IHO1: variants seen among roughly 807,000 people sequenced by gnomAD.
The protein encoded by IHO1 is interactor of HORMAD1 1.
IHO1 carries 13 observed loss-of-function variants against 31.0 expected under a neutral mutation model. The observed-to-expected ratio is 0.42, with a 90% CI of 0.27 to 0.67. IHO1 has a LOEUF of 0.67. IHO1 is among the 30% of genes least tolerant of loss of function. The pLI, the probability that IHO1 is intolerant of heterozygous loss-of-function variation, is 0.24. For synonymous variants in IHO1, 221 were observed against 248.4 expected, an observed-to-expected ratio of 0.89 and a Z score of 1.04; for missense variants, 599 against 687.5, an observed-to-expected ratio of 0.87 and a Z score of 1.44.
chr3:49,226,774 G>C (rs1257557272), intron 2 of IHO1, among the ~76,000 whole-genome samples: 1 of 152,206 alleles, frequency 6.6e-6, no homozygotes, highest in Non-Finnish European at 1.5e-5. Context: ...TCGAGGGTCT[G>C]CCCTAAACCC....
chr3:49,257,109 A>T lies in IHO1; in HGVS notation c.1612A>T (p.Arg538Trp), dbSNP rs751487697. ...AVQGRLLQLS[R>W]CSSQDNWLLS... The stretch of plus-strand genomic sequence containing the variant: ...GCAGGGAAGACTCTTGCAGCTCAGC[A>T]GGTGCTCTTCCCAAGACAACTGGCT... The change falls in exon 8 of 8, where the codon AGG (arginine) becomes TGG (tryptophan). Residue 538 changes from arginine (R) to tryptophan (W), a missense_variant. Coordinates refer to ENST00000452691, the MANE Select transcript of IHO1 (RefSeq NM_001135197.2). 6.2e-7 allele frequency: 1 copy of T among 1,614,210 alleles called. No individual in the cohort carries two copies. Among genetic ancestry groups the T allele is most frequent in the Non-Finnish European group, 8.5e-7 (1 of 1,180,040 alleles).
chr3:49,207,679 T>G (rs1401595965), intron 1 of IHO1, among the ~76,000 whole-genome samples: 1 of 152,210 alleles, frequency 6.6e-6, no homozygotes, highest in Non-Finnish European at 1.5e-5. Context: ...AAGAAATGTC[T>G]GTTTTTCAGC....
chr3:49,223,879 A>G (rs1158901518), intron 2 of IHO1, among the ~76,000 whole-genome samples: 1 of 152,184 alleles, frequency 6.6e-6, no homozygotes, highest in African/African-American at 2.4e-5. Context: ...ACTTAGGGAT[A>G]TGGGTGAAGT....
At chr3:49,251,611 T>C (rs2046760433) in intron 6 of IHO1, among the ~76,000 whole-genome samples, 2 of 150,976 alleles carry the variant, frequency 1.3e-5, no homozygotes, top group African/African-American at 4.9e-5. Flanking sequence ...TTTTTTGTCT[T>C]TTTTTTTGAG....
At chr3:49,200,511 GA>G (rs150036329) in intron 1 of IHO1, 1 of 757,030 alleles carries the variant, frequency 1.3e-6, no homozygotes, top group Non-Finnish European at 1.6e-6. Flanking sequence ...AAGAAAGAAA[GA>G]AAGAAAAGAA....
chr3:49,246,650 AAAT>A (rs141701373), intron 6 of IHO1, among the ~76,000 whole-genome samples: 7 of 151,702 alleles, frequency 4.6e-5, no homozygotes, highest in Non-Finnish European at 4.4e-5. Context: ...TCCCTGTATC[AAAT>A]AATAATAATA....
In IHO1 at chr3:49,200,598, C is replaced by T. The variant is rs2046057981; in HGVS notation, c.-16+1025C>T. On this transcript the variant is annotated intron_variant, in intron 1 of 7. Coordinates refer to ENST00000452691, the MANE Select transcript of IHO1 (RefSeq NM_001135197.2). ...TGCCAATCGGGGCGGTCCTCTCCCC[C>T]TCACGTGTTCCTCCCTTGTGTACCC... 5.1e-6 allele frequency: 5 copies of T among 984,024 alleles called. No individual in the cohort carries two copies. In the South Asian group the frequency reaches 1.9e-4, roughly 37 times the overall value. The allele number at this position is 984,024 out of a possible 1,614,324, so 61.0% of individuals were successfully genotyped here. A position where few individuals can be genotyped will look rare whatever the true frequency, so the allele number is the denominator to read the frequency against.
intron 4 of IHO1, among the ~76,000 whole-genome samples, chr3:49,243,723 A>T (rs1467012749): frequency 7.1e-6 from 1 of 140,892 alleles, no homozygotes; most frequent in African/African-American, 2.7e-5. Flanking sequence ...GTGCCACTGC[A>T]CTCCAGCCTG....
intron 1 of IHO1, among the ~76,000 whole-genome samples, chr3:49,211,187 T>G (rs1361391633): frequency 6.7e-6 from 1 of 150,032 alleles, no homozygotes; most frequent in Non-Finnish European, 1.5e-5. Context: ...TTTTGTATTT[T>G]TTAGTAGAGA....
intron 6 of IHO1, among the ~76,000 whole-genome samples, chr3:49,246,490 C>CA (rs974877184): frequency 3.3e-5 from 5 of 151,212 alleles, no homozygotes; most frequent in Non-Finnish European, 5.9e-5. Context: ...ACTAAAAATG[C>CA]AAAAAAAATT....
intron 3 of IHO1, among the ~76,000 whole-genome samples, chr3:49,240,416 G>T (rs2107725084): frequency 6.6e-6 from 1 of 152,266 alleles, no homozygotes; most frequent in Admixed American, 6.5e-5. Flanking sequence ...TAGAGACAGG[G>T]TTTCGCCAAG....
At chr3:49,210,948 G>A (rs1225427808) in intron 1 of IHO1, among the ~76,000 whole-genome samples, 1 of 150,324 alleles carries the variant, frequency 6.7e-6, no homozygotes, top group Non-Finnish European at 1.5e-5. Context: ...CACCCGCCTC[G>A]GTCTCCCAAA....
chr3:49,244,450 AG>A lies in IHO1; in HGVS notation c.444+1del, dbSNP rs762539529. On this transcript the variant is annotated frameshift_variant and splice_region_variant, in exon 5 of 8. Transcript: ENST00000452691. LOFTEE classifies it high-confidence loss of function. ...TTCTAATGTTAGAGAAAGCATTCTC[AG>A]GGTAAGTACAGATACTTTTCAAGGA... ...FVSNVRESIL[R>X]LQTSVEKSED... is the part of the protein sequence containing the mutation. 1 of 1,555,276 alleles carries A rather than the reference AG, an allele frequency of 6.4e-7. No homozygotes were observed. The highest frequency in any genetic ancestry group is 8.8e-7 in the Non-Finnish European group (1 of 1,140,756).
the IHO1 span, among the ~76,000 whole-genome samples, chr3:49,192,123 A>C: frequency 6.6e-6 from 1 of 152,232 alleles, no homozygotes; most frequent in East Asian, 1.9e-4. Context: ...AAACCTATGC[A>C]TCCATACTGC....
chr3:49,237,749 AC>A (rs1178229313), intron 3 of IHO1, among the ~76,000 whole-genome samples: 1 of 152,070 alleles, frequency 6.6e-6, no homozygotes, highest in Non-Finnish European at 1.5e-5. Flanking sequence ...TAATCTGTAT[AC>A]TTTAGTCAAC....
intron 6 of IHO1, among the ~76,000 whole-genome samples, chr3:49,246,541 G>A (rs1175447941): frequency 6.6e-6 from 1 of 151,946 alleles, no homozygotes; most frequent in African/African-American, 2.4e-5. Context: ...CCAGCTACTT[G>A]GGAGGCTGAG....
upstream of IHO1, among the ~76,000 whole-genome samples, chr3:49,193,566 G>A (rs778153415): frequency 1.2e-4 from 17 of 141,182 alleles, 1 homozygote; most frequent in South Asian, 2.3e-3. Flanking sequence ...GTGTGGTGGC[G>A]CCTGTAGTCC....
At chr3:49,219,511 A>G (rs1177089525) in intron 2 of IHO1, among the ~76,000 whole-genome samples, 1 of 152,192 alleles carries the variant, frequency 6.6e-6, no homozygotes, top group Non-Finnish European at 1.5e-5. Context: ...TATGTGGGTC[A>G]AACTCTGTTC....
At chr3:49,193,211 A>T in the IHO1 span, among the ~76,000 whole-genome samples, 25 of 151,918 alleles carry the variant, frequency 1.6e-4, no homozygotes, top group South Asian at 5.0e-3. Flanking sequence ...TCTCTACCAA[A>T]TATACAAAAA....
Sources: allele counts gnomAD v4.1 joint callset (sites outside exome capture counted in the v4.1 genomes callset), GRCh38; gene constraint gnomAD v4.1.1; transcripts MANE v1.5; gene names NCBI Gene and HGNC (gene_info 2026-07-23, HGNC 2026-07-21).